Variants in NRG2 observed in about 807,000 individuals in gnomAD.
NRG2 encodes the protein pro-neuregulin-2, membrane-bound isoform.
A neutral mutation model predicts 73.9 loss-of-function variants in NRG2; 27 were observed. That is an observed-to-expected ratio of 0.37 (90% CI 0.27 to 0.50). NRG2 has a LOEUF of 0.50. NRG2 is among the 20% of genes least tolerant of loss of function. NRG2 has a pLI of 0.96. For synonymous variants in NRG2, 532 were observed against 541.0 expected (o/e 0.98, Z 0.23); for missense variants, 1,126 against 1,210.1 (o/e 0.93, Z 1.03).
intron 6 of NRG2, among the ~76,000 whole-genome samples, chr5:139,854,236 G>A (rs1035528488): frequency 8.5e-5 from 13 of 152,164 alleles, no homozygotes; most frequent in African/African-American, 1.9e-4. Context: ...CTGGCCTCCC[G>A]GCCTTTGCGC....
rs1765070072 is a variant in NRG2, at chr5:139,904,221, T to A, written c.701-16710A>T. 10 of 1,441,540 alleles carry A rather than the reference T, an allele frequency of 6.9e-6. No individual in the cohort carries two copies. The Admixed American group carries it at 2.1e-4, about 30-fold the overall frequency. 89.3% of individuals were successfully genotyped at this position (1,441,540 alleles called of 1,614,324 possible). On this transcript the variant is annotated intron_variant, in intron 1 of 9. Transcript: ENST00000361474. The surrounding 1 kb of genome is among the most constrained non-coding windows in gnomAD (Gnocchi z 6.0). ...CGGCGGCCGCTAGCGCAGCCTAGAC[T>A]CACCCGCGCTGCGCTGGGGGCGGGT...
chr5:140,012,849 T>C (rs1759473267), intron 1 of NRG2, among the ~76,000 whole-genome samples: 1 of 152,238 alleles, frequency 6.6e-6, no homozygotes, highest in Non-Finnish European at 1.5e-5. Context: ...ACCACAATTC[T>C]AGTCAAATCC....
In NRG2 at chr5:139,894,110, C is replaced by T. The variant is rs538401215; in HGVS notation, c.701-6599G>A. Reference sequence around the variant, plus strand: ...TAACCTCATTCCTCTCGGCAGTGGGCGGTGGGTGCGGAGCCTACTCAGATC... The same window carrying T: ...TAACCTCATTCCTCTCGGCAGTGGGTGGTGGGTGCGGAGCCTACTCAGATC... On this transcript the variant is annotated intron_variant, in intron 1 of 9. Transcript: ENST00000361474. This position sits in a 1 kb window ranked among gnomAD's most constrained non-coding sequence, Gnocchi z 5.0. Among the ~76,000 whole-genome samples the T allele has an allele frequency of 5.3e-5, 8 of 152,324 alleles. No individual in the cohort carries two copies. Among genetic ancestry groups the T allele is most frequent in the South Asian group, 2.1e-4 (1 of 4,824 alleles).
intron 1 of NRG2, among the ~76,000 whole-genome samples, chr5:139,907,148 G>A (rs546516175): frequency 6.6e-6 from 1 of 152,214 alleles, no homozygotes; most frequent in Admixed American, 6.5e-5. Context: ...GGAGGTCTGT[G>A]GACTGATGGT....
At chr5:139,932,123 G>C (rs1214051960) in intron 1 of NRG2, among the ~76,000 whole-genome samples, 1 of 152,010 alleles carries the variant, frequency 6.6e-6, no homozygotes, top group Non-Finnish European at 1.5e-5. Context: ...ACTTCATAAA[G>C]ATCTGCACTC....
intron 1 of NRG2, among the ~76,000 whole-genome samples, chr5:140,001,309 A>AAT (rs1758452696): frequency 6.6e-6 from 1 of 152,220 alleles, no homozygotes. Flanking sequence ...AAGCGTATTT[A>AAT]ATACATACCT....
chr5:139,993,012 TAA>T (rs1319267672), intron 1 of NRG2, among the ~76,000 whole-genome samples: 1 of 152,098 alleles, frequency 6.6e-6, no homozygotes, highest in Non-Finnish European at 1.5e-5. Flanking sequence ...ATCCATTTGG[TAA>T]AGACACCAGA....
At chr5:139,917,895 G>C (rs904586509) in intron 1 of NRG2, among the ~76,000 whole-genome samples, 10 of 151,930 alleles carry the variant, frequency 6.6e-5, no homozygotes, top group South Asian at 4.2e-4. Context: ...TTAAAATTTT[G>C]ATTAACTCTA....
Position 139,848,674 on chromosome 5 carries a change from G to A in NRG2, c.1796C>T (p.Pro599Leu). ...GAAGTCCACGGGCGAGAGGCGCGCG[G>A]GCGTGGTCAGGGCCGACACGTACCT... ...SERYVSALTT[P>L]ARLSPVDFHY... Residue 599 changes from proline (P) to leucine (L), a missense_variant, in exon 10 of 10, where the codon CCC (proline) becomes CTC (leucine). Physicochemically the swap from Pro to Leu is moderately conservative, Grantham distance 98. This residue lies in a region of NRG2 where 539 missense variants were observed against 703.2 expected (regional missense o/e 0.77). Transcript: ENST00000361474. 1 of 1,560,704 alleles carries A rather than the reference G, an allele frequency of 6.4e-7. No individual in the cohort carries two copies. The highest frequency in any genetic ancestry group is 8.6e-7 in the Non-Finnish European group (1 of 1,162,806).
intron 1 of NRG2, among the ~76,000 whole-genome samples, chr5:139,989,650 T>C (rs1172617691): frequency 2.0e-5 from 3 of 151,952 alleles, no homozygotes; most frequent in African/African-American, 7.2e-5. Flanking sequence ...TGTTGTTGCA[T>C]GTCACCACAG....
At chr5:140,034,229 G>A (rs1364158078) in intron 1 of NRG2, among the ~76,000 whole-genome samples, 1 of 152,116 alleles carries the variant, frequency 6.6e-6, no homozygotes, top group Non-Finnish European at 1.5e-5. Flanking sequence ...CCAAGTGCTG[G>A]GATTACAGGC....
chr5:139,972,711 G>A (rs971719285), intron 1 of NRG2, among the ~76,000 whole-genome samples: 6 of 152,192 alleles, frequency 3.9e-5, no homozygotes, highest in East Asian at 1.9e-4. Flanking sequence ...GTGACAGAGC[G>A]AGACTCTGTC....
chr5:139,850,049 G>C (rs548033448), intron 9 of NRG2, among the ~76,000 whole-genome samples: 3 of 152,174 alleles, frequency 2.0e-5, no homozygotes, highest in Non-Finnish European at 4.4e-5. Flanking sequence ...TGCCTCTGTT[G>C]GAACAGCTCA....
At position 140,042,772 on chromosome 5, in the gene NRG2, C is replaced by A; in HGVS notation, c.298G>T (p.Gly100Cys). The part of the protein sequence containing the change: ...AGGMRRDPAP[G>C]FSMLLFGVSL... ...ACACCGAAGAGCAGCATGGAGAAGC[C>A]GGGGGCCGGGTCGCGCCTCATGCCG... The change falls in exon 1 of 10, where the codon GGC becomes TGC. Residue 100 changes from glycine (G) to cysteine (C), a missense_variant. By Grantham distance (159) the Gly-to-Cys change is radical (BLOSUM62 -3). This residue lies in a region of NRG2 where 185 missense variants were observed against 149.0 expected (regional missense o/e 1.24). Coordinates refer to ENST00000361474, the MANE Select transcript of NRG2 (RefSeq NM_004883.3). 1 of 1,539,274 alleles carries A rather than the reference C, an allele frequency of 6.5e-7. No individual in the cohort carries two copies. Among genetic ancestry groups the A allele is most frequent in the African/African-American group, 1.4e-5 (1 of 72,198 alleles).
intron 1 of NRG2, among the ~76,000 whole-genome samples, chr5:139,981,781 C>T (rs1756819119): frequency 6.6e-6 from 1 of 152,226 alleles, no homozygotes; most frequent in African/African-American, 2.4e-5. Context: ...CTGGCTCTAC[C>T]AGGCTGTGGG....
chr5:140,029,603 G>A (rs184105630), intron 1 of NRG2, among the ~76,000 whole-genome samples: 77 of 150,726 alleles, frequency 5.1e-4, no homozygotes, highest in African/African-American at 1.9e-3. Flanking sequence ...CAGGAGAATT[G>A]CTTGAATCTG....
intron 1 of NRG2, among the ~76,000 whole-genome samples, chr5:140,011,681 A>G (rs1377501236): frequency 6.6e-6 from 1 of 152,176 alleles, no homozygotes; most frequent in East Asian, 1.9e-4. Context: ...AGTCTGAAAG[A>G]CCACTGTTGA....
chr5:139,975,693 A>G (rs1756333170), intron 1 of NRG2, among the ~76,000 whole-genome samples: 1 of 152,166 alleles, frequency 6.6e-6, no homozygotes, highest in Admixed American at 6.5e-5. Context: ...CTGTCTTGCC[A>G]AGGCCACAGG....
intron 1 of NRG2, among the ~76,000 whole-genome samples, chr5:140,033,225 C>CTT (rs1166825984): frequency 1.3e-5 from 2 of 152,170 alleles, no homozygotes; most frequent in Non-Finnish European, 2.9e-5. Context: ...ACCCCCAAAT[C>CTT]AAAGCAGGAT....
Sources: allele counts gnomAD v4.1 joint callset (sites outside exome capture counted in the v4.1 genomes callset), GRCh38; gene constraint gnomAD v4.1.1; regional missense constraint gnomAD v4.1.1; non-coding constraint Gnocchi (gnomAD v3.1); transcripts MANE v1.5; gene names NCBI Gene and HGNC (gene_info 2026-07-23, HGNC 2026-07-21).